The following WDR17 variants were observed in gnomAD, a reference collection of about 807,000 sequenced individuals.
WDR17 encodes the protein WD repeat-containing protein 17.
In WDR17, 143 loss-of-function variants were observed where a neutral mutation model predicts 161.7. The ratio of observed to expected loss-of-function variants is 0.88; its 90% confidence interval spans 0.77 to 1.02. The LOEUF is 1.02. Ranked by LOEUF, WDR17 falls within the 50% of genes least tolerant of loss-of-function variation. WDR17 has a pLI of 0.00. For synonymous variants in WDR17, 517 were observed against 515.6 expected (o/e 1.00, Z -0.04); for missense variants, 1,469 against 1,520.9 (o/e 0.97, Z 0.57).
At chr4:176,126,795 T>A (rs1476199816) in intron 5 of WDR17, among the ~76,000 whole-genome samples, 1 of 152,196 alleles carries the variant, frequency 6.6e-6, no homozygotes, top group Non-Finnish European at 1.5e-5. Context: ...GGCCACAGTT[T>A]ACCCTATGCT....
chr4:176,174,654 G>A lies in WDR17; in HGVS notation c.3385G>A (p.Gly1129Ser). 1 of 1,611,950 alleles carries A rather than the reference G, an allele frequency of 6.2e-7. No individual in the cohort carries two copies. Among genetic ancestry groups the A allele is most frequent in the South Asian group, 1.1e-5 (1 of 90,788 alleles). The change falls in exon 26 of 29, where the codon GGT (glycine) becomes AGT (serine). Residue 1129 changes from glycine (G) to serine (S), a missense_variant. Gly to Ser is a moderately conservative substitution (Grantham distance 56). Transcript: ENST00000508596. ...NELLILCGYI[G>S]ALLAIRRQYQ... ...GTTGCTGATATTATGTGGTTACATT[G>A]GTGCATTACTGGCTATCAGAAGACA... is the stretch of plus-strand genomic sequence containing the variant.
intron 1 of WDR17, among the ~76,000 whole-genome samples, chr4:176,066,473 T>C (rs538970779): frequency 5.8e-4 from 88 of 152,300 alleles, no homozygotes; most frequent in African/African-American, 2.0e-3. Flanking sequence ...AAGATGGACT[T>C]ATTAGTAGGG....
At chr4:176,099,833 A>G (rs1737522444) in intron 1 of WDR17, among the ~76,000 whole-genome samples, 1 of 152,122 alleles carries the variant, frequency 6.6e-6, no homozygotes, top group Admixed American at 6.6e-5. Context: ...ATGAATGGGA[A>G]CATGTGATAT....
At chr4:176,131,174 A>G (rs28608650) in intron 6 of WDR17, among the ~76,000 whole-genome samples, 38,126 of 152,040 alleles carry the variant, frequency 0.25, 4,920 homozygotes, top group African/African-American at 0.29. Context: ...AGAAAAAATT[A>G]TATGCATATA....
intron 23 of WDR17, among the ~76,000 whole-genome samples, chr4:176,169,102 A>C: frequency 6.6e-6 from 1 of 152,232 alleles, no homozygotes; most frequent in Non-Finnish European, 1.5e-5. Flanking sequence ...GAGAATTTCA[A>C]CTTCAGCAAG....
rs773128728 is a variant in WDR17, at chr4:176,172,493, C to CT, written c.3222dup (p.Ile1075TyrfsTer4). On this transcript the variant is annotated frameshift_variant, in exon 24 of 29. Transcript: ENST00000508596. LOFTEE classifies it high-confidence loss of function. ...AGTCAAGAACCTGAAAAAGCCCTTCCTATTGGTATTAGCTTTGTTAAAGGT... is the reference window on the plus strand; with the variant it reads ...AGTCAAGAACCTGAAAAAGCCCTTCCTTATTGGTATTAGCTTTGTTAAAGGT... The CT allele has an allele frequency of 6.2e-7, 1 of 1,602,114 alleles. No individual in the cohort carries two copies. Among genetic ancestry groups the CT allele is most frequent in the Non-Finnish European group, 8.5e-7 (1 of 1,176,952 alleles).
At chr4:176,178,133 A>C (rs1332684406) in intron 28 of WDR17, among the ~76,000 whole-genome samples, 3 of 151,962 alleles carry the variant, frequency 2.0e-5, no homozygotes, top group South Asian at 2.1e-4. Flanking sequence ...TGCTAGCCCA[A>C]TGAAGAAGGC....
chr4:176,100,239 C>T (rs1295289311), intron 1 of WDR17, among the ~76,000 whole-genome samples: 1 of 152,094 alleles, frequency 6.6e-6, no homozygotes, highest in African/African-American at 2.4e-5. Context: ...TCCTCACCAA[C>T]ATCTATTATT....
intron 16 of WDR17, 94 bp from the exon 17 acceptor site, chr4:176,151,718 A>G (rs1427780117): frequency 3.5e-6 from 4 of 1,130,400 alleles, no homozygotes; most frequent in Non-Finnish European, 4.9e-6. Flanking sequence ...ATTCCGCTCT[A>G]TTAGTTATTT....
At chr4:176,066,780 A>G (rs904950027) in intron 1 of WDR17, among the ~76,000 whole-genome samples, 1 of 152,010 alleles carries the variant, frequency 6.6e-6, no homozygotes, top group African/African-American at 2.4e-5. Context: ...TACTATATAT[A>G]TTTAACAAGG....
intron 9 of WDR17, 88 bp downstream of exon 9, chr4:176,137,699 A>G (rs979320710): frequency 4.2e-5 from 31 of 746,458 alleles, no homozygotes; most frequent in Non-Finnish European, 5.9e-5. Flanking sequence ...TTAATATAAT[A>G]TCACTTAATA....
At chr4:176,120,285 GTT>G (rs1206814391) in intron 4 of WDR17, among the ~76,000 whole-genome samples, 188 bp downstream of exon 4, 6 of 87,052 alleles carry the variant, frequency 6.9e-5, no homozygotes, top group Admixed American at 6.0e-4. Flanking sequence ...TTCATTTGAA[GTT>G]TTATATATAT....
At position 176,172,097 on chromosome 4, in the gene WDR17, T is replaced by C. The variant is rs979796279; in HGVS notation, c.3103-278T>C. Among the ~76,000 whole-genome samples the C allele has an allele frequency of 1.3e-5, 2 of 152,182 alleles. 1 individual carries two copies. The highest frequency in any genetic ancestry group is 2.9e-5 in the Non-Finnish European group (2 of 68,018). On this transcript the variant is annotated intron_variant, in intron 23 of 28. Transcript: ENST00000508596. Reference sequence around the variant, plus strand: ...TGGCATTTTTGGGTACTAACTCCAGTATCACAATCAGGACAATTTACTTCT... The same window carrying C: ...TGGCATTTTTGGGTACTAACTCCAGCATCACAATCAGGACAATTTACTTCT...
intron 1 of WDR17, among the ~76,000 whole-genome samples, chr4:176,104,556 A>G (rs1163520628): frequency 6.6e-6 from 1 of 152,068 alleles, no homozygotes; most frequent in African/African-American, 2.4e-5. Context: ...CAGGCCACAC[A>G]ATATATAAAG....
intron 5 of WDR17, among the ~76,000 whole-genome samples, chr4:176,126,743 A>C (rs1001538360): frequency 1.3e-5 from 2 of 152,108 alleles, no homozygotes; most frequent in African/African-American, 2.4e-5. Context: ...ATGATCCCCA[A>C]CTGTCAAGGC....
chr4:176,117,477 AGG>A (rs1337718659), intron 3 of WDR17, among the ~76,000 whole-genome samples: 1 of 152,098 alleles, frequency 6.6e-6, no homozygotes, highest in Non-Finnish European at 1.5e-5. Flanking sequence ...AGTCAACGTT[AGG>A]TTATAACTGC....
At chr4:176,145,940 T>C in intron 11 of WDR17, 55 bp from the exon 12 acceptor site, 1 of 1,466,644 alleles carries the variant, frequency 6.8e-7, no homozygotes, top group Non-Finnish European at 9.3e-7. Context: ...TACCTTTAAT[T>C]ATTAGTTATA....
At position 176,163,225 on chromosome 4, in the gene WDR17, G is replaced by T. The variant is rs577596460; in HGVS notation, c.2922G>T (p.Glu974Asp). 15 of 1,613,134 alleles carry T rather than the reference G, an allele frequency of 9.3e-6. No homozygotes were observed. The African/African-American group carries it at 9.3e-5, about 10-fold the overall frequency. The change falls in exon 22 of 29, where the codon GAG (glutamate) becomes GAT (aspartate). Residue 974 changes from glutamate (E) to aspartate (D), a missense_variant. By Grantham distance (45) the Glu-to-Asp change is conservative. Transcript: ENST00000508596. Reference protein sequence around the residue: ...LAVCVGTVLGESAAPATHYAL... With the variant: ...LAVCVGTVLGDSAAPATHYAL... The stretch of plus-strand genomic sequence containing the variant: ...TCTGTGTGGGCACAGTACTAGGAGA[G>T]TCTGCAGCACCAGCAACCCACTATG...
At chr4:176,122,965 A>G (rs7654802) in intron 4 of WDR17, among the ~76,000 whole-genome samples, 404 of 152,318 alleles carry the variant, frequency 2.7e-3, no homozygotes, top group Non-Finnish European at 4.9e-3. Flanking sequence ...GAAAAGCACC[A>G]TGTTATCCTG....
Sources: allele counts gnomAD v4.1 joint callset (sites outside exome capture counted in the v4.1 genomes callset), GRCh38; gene constraint gnomAD v4.1.1; transcripts MANE v1.5; gene names NCBI Gene and HGNC (gene_info 2026-07-23, HGNC 2026-07-21).